The following PIEZO2 variants were observed in gnomAD, a reference collection of about 807,000 sequenced individuals.
PIEZO2 encodes piezo-type mechanosensitive ion channel component 2.
PIEZO2 carries 172 observed loss-of-function variants against 337.3 expected under a neutral mutation model. The ratio of observed to expected loss-of-function variants is 0.51; its 90% CI spans 0.45 to 0.58. The LOEUF is 0.58. Ranked by LOEUF, PIEZO2 falls within the 20% of genes least tolerant of loss-of-function variation. The pLI is 0.00. For synonymous variants in PIEZO2, 1,251 were observed against 1,228.5 expected (o/e 1.02, Z -0.38); for missense variants, 3,028 against 3,391.3 (o/e 0.89, Z 2.66).
In PIEZO2 at chr18:10,671,666, A is replaced by T; in HGVS notation, c.8459T>A (p.Ile2820Asn). Residue 2820 changes from isoleucine (I) to asparagine (N), a missense_variant, in exon 56 of 56, where the codon ATT (isoleucine) becomes AAT (asparagine). Coordinates refer to ENST00000674853, the MANE Select transcript of PIEZO2 (RefSeq NM_001378183.1). ...AAAAATATCTGTGCACAACTTCAAA[A>T]TTCGATCCACATTTGGAAGCTCTTC... ...MFEELPNVDR[I>N]LKLCTDIFLV... is the part of the protein sequence containing the mutation. 1 of 1,614,068 alleles carries T rather than the reference A, an allele frequency of 6.2e-7. No individual in the cohort carries two copies. The highest frequency in any genetic ancestry group is 1.1e-5 in the South Asian group (1 of 91,076).
rs755107049 is a variant in PIEZO2, at chr18:10,698,965, T to C, written c.6654A>G (p.Pro2218=). ...RRKRSGSSSE[P]SQRSSFSSNR... ...TTGAAGAAAAGCTGGATCTCTGGGA[T>C]GGCTCGGAGCTGCTGCCGGAGCGCT... Residue 2218 remains proline, a synonymous_variant, in exon 44 of 56, where the codon CCA becomes CCG. Transcript: ENST00000674853. 41 of 1,536,736 alleles carry C rather than the reference T, an allele frequency of 2.7e-5. No individual in the cohort carries two copies. The highest frequency in any genetic ancestry group is 3.3e-5 in the Non-Finnish European group (38 of 1,146,920).
chr18:11,128,366 G>A lies in PIEZO2; in HGVS notation c.64+20159C>T, dbSNP rs533960954. Among the ~76,000 whole-genome samples the A allele has an allele frequency of 4.6e-5, 7 of 152,126 alleles. No individual in the cohort carries two copies. Among genetic ancestry groups the A allele is most frequent in the South Asian group, 2.1e-4 (1 of 4,830 alleles). ...ATCATGAGAGTGGCTGACCTGCAACGAAAGATACATGCACAGCCCCGCCAG... is the reference window on the plus strand; with the variant it reads ...ATCATGAGAGTGGCTGACCTGCAACAAAAGATACATGCACAGCCCCGCCAG... On this transcript the variant is annotated intron_variant, in intron 1 of 55. Coordinates refer to ENST00000674853, the MANE Select transcript of PIEZO2 (RefSeq NM_001378183.1). This position sits in a 1 kb window ranked among gnomAD's most constrained non-coding sequence, Gnocchi z 4.1.
chr18:10,960,925 T>A (rs149827161), intron 3 of PIEZO2, among the ~76,000 whole-genome samples: 1,702 of 152,238 alleles, frequency 0.011, 37 homozygotes, highest in African/African-American at 0.038. Flanking sequence ...ATGCCTGTAA[T>A]CCCAGCACTT....
rs921984478 is a variant in PIEZO2, at chr18:10,677,544, A to C, written c.8081+203T>G. 7.8e-6 allele frequency: 4 copies of C among 515,280 alleles called. No homozygotes were observed. The highest frequency in any genetic ancestry group is 1.3e-5 in the Non-Finnish European group (4 of 306,052). 31.9% of individuals were successfully genotyped at this position (515,280 alleles called of 1,614,324 possible). ...AAACCCTCATTTGGAACATAGACAT[A>C]ACCCTGGGGACAGTGGACAGAAAAC... On this transcript the variant is annotated intron_variant, in intron 53 of 55. Coordinates refer to ENST00000674853, the MANE Select transcript of PIEZO2 (RefSeq NM_001378183.1). This position sits in a 1 kb window ranked among gnomAD's most constrained non-coding sequence, Gnocchi z 4.1.
intron 3 of PIEZO2, among the ~76,000 whole-genome samples, chr18:10,912,765 T>A (rs1376052631): frequency 6.6e-6 from 1 of 152,204 alleles, no homozygotes; most frequent in Non-Finnish European, 1.5e-5. Context: ...GAGATCATGA[T>A]CATGGGGTTT....
chr18:10,823,110 T>C (rs2144480015), intron 7 of PIEZO2, among the ~76,000 whole-genome samples: 1 of 152,316 alleles, frequency 6.6e-6, no homozygotes, highest in East Asian at 1.9e-4. Context: ...AACTCCATTA[T>C]AAGGTACCGA....
intron 20 of PIEZO2, among the ~76,000 whole-genome samples, chr18:10,771,792 G>A (rs569722011): frequency 7.2e-5 from 11 of 152,254 alleles, no homozygotes; most frequent in Admixed American, 1.3e-4. Flanking sequence ...ATGCTGTCCC[G>A]CTCTGTCCTT....
At chr18:11,087,419 A>G (rs2038947548) in intron 1 of PIEZO2, among the ~76,000 whole-genome samples, 1 of 152,132 alleles carries the variant, frequency 6.6e-6, no homozygotes, top group Non-Finnish European at 1.5e-5. Flanking sequence ...CTCTCTCCCA[A>G]GCAATGCACT....
chr18:11,091,392 A>G (rs1568365959), intron 1 of PIEZO2, among the ~76,000 whole-genome samples: 1 of 123,250 alleles, frequency 8.1e-6, no homozygotes, highest in Admixed American at 7.4e-5. Flanking sequence ...TCAAAAAAAA[A>G]AAAAAAAGAA....
chr18:10,773,687 G>A lies in PIEZO2; in HGVS notation c.2568-58C>T. ...AAAGGGTGTTGGGAGAGATTTGACTGAGGGGCAAGTAAAAGGAGGATAAAC... is the reference window on the plus strand; with the variant it reads ...AAAGGGTGTTGGGAGAGATTTGACTAAGGGGCAAGTAAAAGGAGGATAAAC... On this transcript the variant is annotated intron_variant, in intron 19 of 55. Transcript: ENST00000674853. This position sits in a 1 kb window ranked among gnomAD's most constrained non-coding sequence, Gnocchi z 5.3. 6.9e-7 allele frequency: 1 copy of A among 1,458,916 alleles called. No individual in the cohort carries two copies. Among genetic ancestry groups the A allele is most frequent in the Middle Eastern group, 2.0e-4 (1 of 5,048 alleles). The allele number at this position is 1,458,916 out of a possible 1,614,324, so 90.4% of individuals were successfully genotyped here. A position where few individuals can be genotyped will look rare whatever the true frequency, so the allele number is the denominator to read the frequency against.
At chr18:10,680,813 A>C (rs674698) in intron 51 of PIEZO2, among the ~76,000 whole-genome samples, 63,908 of 151,982 alleles carry the variant, frequency 0.42, 14,263 homozygotes, top group East Asian at 0.58. Context: ...ATAGGTGATA[A>C]TTTTACAGAA....
intron 13 of PIEZO2, among the ~76,000 whole-genome samples, chr18:10,791,817 A>AG (rs1016848375): frequency 2.6e-4 from 40 of 152,348 alleles, no homozygotes; most frequent in African/African-American, 9.6e-4. Flanking sequence ...TTAAAGCTGA[A>AG]GGGACACTAG....
intron 2 of PIEZO2, among the ~76,000 whole-genome samples, chr18:11,023,458 A>G (rs1183096199): frequency 6.6e-6 from 1 of 152,222 alleles, no homozygotes; most frequent in African/African-American, 2.4e-5. Context: ...AGCTAGACAC[A>G]GCGTGCTGAT....
intron 1 of PIEZO2, among the ~76,000 whole-genome samples, chr18:11,115,847 C>T (rs1203681478): frequency 6.6e-6 from 1 of 151,730 alleles, no homozygotes; most frequent in African/African-American, 2.4e-5. Flanking sequence ...AGTTTGTGTC[C>T]CAGTAGAGAG....
In PIEZO2 at chr18:10,857,176, C is replaced by G; in HGVS notation, c.528G>C (p.Leu176=). ...EGEKIDSEEA[L]IYEEDFNGGD... ...CTCCATTGAAATCCTCTTCATAGAT[C>G]AGTGCCTCTTCTGAATCAATTTTTT... Residue 176 remains leucine, a synonymous_variant, in exon 6 of 56, where the codon CTG becomes CTC. Transcript: ENST00000674853. 2 of 1,537,876 alleles carry G rather than the reference C, an allele frequency of 1.3e-6. No individual in the cohort carries two copies. Among genetic ancestry groups the G allele is most frequent in the Non-Finnish European group, 1.7e-6 (2 of 1,147,040 alleles).
intron 7 of PIEZO2, among the ~76,000 whole-genome samples, chr18:10,822,608 A>T (rs900192900): frequency 2.0e-5 from 3 of 152,162 alleles, no homozygotes; most frequent in Non-Finnish European, 1.5e-5. Flanking sequence ...CTGGCCTCCA[A>T]TCAGCCTAGT....
At position 10,675,253 on chromosome 18, in the gene PIEZO2, G is replaced by T; in HGVS notation, c.8117C>A (p.Ala2706Glu). The change falls in exon 54 of 56, where the codon GCA (alanine) becomes GAA (glutamate). Residue 2706 changes from alanine to glutamate, a missense_variant. Ala to Glu is a moderately radical substitution (Grantham distance 107). Around this residue, in one of 5 missense-constraint regions of PIEZO2, gnomAD observed 332 missense variants for 363.8 expected, o/e 0.91. Transcript: ENST00000674853. Reference protein sequence around the residue: ...IEKIYPYYVKAPSDSNSKPIK... With the variant: ...IEKIYPYYVKEPSDSNSKPIK... ...AGGTTTTGAGTTAGAATCACTAGGTGCTTTCACATAATATGGATAAATCTT... is the reference window on the plus strand; with the variant it reads ...AGGTTTTGAGTTAGAATCACTAGGTTCTTTCACATAATATGGATAAATCTT... 6.5e-7 allele frequency: 1 copy of T among 1,543,674 alleles called. No homozygotes were observed. Among genetic ancestry groups the T allele is most frequent in the Non-Finnish European group, 8.8e-7 (1 of 1,141,584 alleles).
intron 27 of PIEZO2, 118 bp from the exon 28 acceptor site, chr18:10,752,997 C>G: frequency 8.0e-7 from 1 of 1,255,896 alleles, no homozygotes; most frequent in South Asian, 1.6e-5. Flanking sequence ...GCAAATCAGA[C>G]TGTGAGCTTT....
At chr18:11,095,820 T>G (rs1038436881) in intron 1 of PIEZO2, among the ~76,000 whole-genome samples, 2 of 152,198 alleles carry the variant, frequency 1.3e-5, no homozygotes, top group Non-Finnish European at 2.9e-5. Flanking sequence ...ATCAGAGAGA[T>G]AGAAATGAAT....
Sources: allele counts gnomAD v4.1 joint callset (sites outside exome capture counted in the v4.1 genomes callset), GRCh38; gene constraint gnomAD v4.1.1; regional missense constraint gnomAD v4.1.1; non-coding constraint Gnocchi (gnomAD v3.1); transcripts MANE v1.5; gene names NCBI Gene and HGNC (gene_info 2026-07-23, HGNC 2026-07-21).